Variants in CFLAR observed in about 807,000 individuals in gnomAD.
CFLAR encodes CASP8 and FADD-like apoptosis regulator.
In CFLAR, 14 loss-of-function variants were observed where a neutral mutation model predicts 51.1. That is an observed-to-expected ratio of 0.27 (90% confidence interval 0.18 to 0.43). The LOEUF (loss-of-function observed/expected upper bound fraction) is 0.43. Ranked by LOEUF, CFLAR falls within the 20% of genes least tolerant of loss-of-function variation. The pLI is 1.00. For synonymous variants in CFLAR, 210 were observed against 211.6 expected (o/e 0.99, Z 0.06); for missense variants, 390 against 566.5 (o/e 0.69, Z 3.16).
chr2:201,169,936 T>C lies in CFLAR; in HGVS notation c.*5963T>C, dbSNP rs189130552. 1 of 152,246 alleles carries C rather than the reference T, an allele frequency of 6.6e-6. No homozygotes were observed. Among genetic ancestry groups the C allele is most frequent in the East Asian group, 1.9e-4 (1 of 5,186 alleles). The allele number at this position is 152,246 out of a possible 1,614,324, so 9.4% of individuals were successfully genotyped here. On this transcript the variant is annotated 3_prime_UTR_variant, in exon 10 of 10. Coordinates refer to ENST00000309955, the MANE Select transcript of CFLAR (RefSeq NM_003879.7). Reference sequence around the variant, plus strand: ...CTCATGCCGGTCAGAATGGTGATTATTAAAAAGTCAAAAAACAACAGATGC... The same window carrying C: ...CTCATGCCGGTCAGAATGGTGATTACTAAAAAGTCAAAAAACAACAGATGC...
intron 5 of CFLAR, chr2:201,141,342 A>G: frequency 6.5e-7 from 1 of 1,548,358 alleles, no homozygotes; most frequent in East Asian, 2.4e-5. Flanking sequence ...GTCTACACAT[A>G]TATTTCATTT....
At chr2:201,141,712 A>T in intron 5 of CFLAR, 1 of 957,834 alleles carries the variant, frequency 1.0e-6, no homozygotes, top group Non-Finnish European at 1.3e-6. Context: ...AGTGTATCAT[A>T]TAGTCACTTA....
rs767981715 is a variant in CFLAR, at chr2:201,163,987, T to C, written c.*14T>C. ...TCCTACACATAAGAAACCAAAAGGC[T>C]GGGCGTAGTGGCTCACACCTGTAAT... On this transcript the variant is annotated 3_prime_UTR_variant, in exon 10 of 10. Coordinates refer to ENST00000309955, the MANE Select transcript of CFLAR (RefSeq NM_003879.7). 6.2e-7 allele frequency: 1 copy of C among 1,607,382 alleles called. No homozygotes were observed.
intron 5 of CFLAR, chr2:201,141,751 A>T: frequency 1.6e-5 from 10 of 630,802 alleles, no homozygotes; most frequent in Middle Eastern, 7.3e-4. Flanking sequence ...TACTTAGTAC[A>T]AGGTATCGGA....
Position 201,138,088 on chromosome 2 carries a change from C to T in CFLAR, c.523+1981C>T, listed in dbSNP as rs530109061. 3.8e-5 allele frequency: 28 copies of T among 742,566 alleles called. No individual in the cohort carries two copies. In the East Asian group the frequency reaches 6.7e-4, roughly 18 times the overall value. 46.0% of individuals were successfully genotyped at this position (742,566 alleles called of 1,614,324 possible). On this transcript the variant is annotated intron_variant, in intron 4 of 9. Coordinates refer to ENST00000309955, the MANE Select transcript of CFLAR (RefSeq NM_003879.7). The surrounding 1 kb of genome is among the most constrained non-coding windows in gnomAD (Gnocchi z 4.0). ...TTGATGTAGATGGAGCCGCGCAGTC[C>T]ATGCCCCTGCCCAGCCCATCCACAC... is the stretch of plus-strand genomic sequence containing the variant.
intron 9 of CFLAR, among the ~76,000 whole-genome samples, chr2:201,162,143 G>T (rs991138423): frequency 4.6e-5 from 7 of 151,994 alleles, no homozygotes; most frequent in Admixed American, 4.6e-4. Context: ...TCACTCTGTT[G>T]TCCAGGCTGG....
At chr2:201,144,775 T>G (rs1939757236) in intron 5 of CFLAR, among the ~76,000 whole-genome samples, 1 of 152,204 alleles carries the variant, frequency 6.6e-6, no homozygotes, top group Non-Finnish European at 1.5e-5. Context: ...AACTATACTA[T>G]ACTGTAACAT....
chr2:201,153,903 C>CTTTTTTTTTTTTTTTTTTT (rs747813572), intron 8 of CFLAR, among the ~76,000 whole-genome samples: 3 of 103,024 alleles, frequency 2.9e-5, no homozygotes, highest in Non-Finnish European at 5.8e-5. Flanking sequence ...TCTTTTCTTT[C>CTTTTTTTTTTTTTTTTTTT]TTTTTTTTTT....
rs112841322 is a variant in CFLAR, at chr2:201,164,434, T to C, written c.*461T>C. 1,263 of 152,484 alleles carry C rather than the reference T, an allele frequency of 8.3e-3. 20 individuals carry two copies. Among genetic ancestry groups the C allele is most frequent in the African/African-American group, 0.029 (1,186 of 41,554 alleles). 9.4% of individuals were successfully genotyped at this position (152,484 alleles called of 1,614,324 possible). On this transcript the variant is annotated 3_prime_UTR_variant, in exon 10 of 10. Transcript: ENST00000309955. ...CAGGGTTAGGTCCCACAATAGGTCATCTGCAAGCAAGGAAGCCAATTCAAG... is the reference window on the plus strand; with the variant it reads ...CAGGGTTAGGTCCCACAATAGGTCACCTGCAAGCAAGGAAGCCAATTCAAG...
Position 201,164,300 on chromosome 2 carries a change from G to A in CFLAR, c.*327G>A, listed in dbSNP as rs1269654668. ...CTTTAAAAAAAAAAAAAAAGGACAG[G>A]AACTATCTTACTCAATGTATTAGTC... On this transcript the variant is annotated 3_prime_UTR_variant, in exon 10 of 10. Coordinates refer to ENST00000309955, the MANE Select transcript of CFLAR (RefSeq NM_003879.7). 3 of 185,876 alleles carry A rather than the reference G, an allele frequency of 1.6e-5. No homozygotes were observed. Among genetic ancestry groups the A allele is most frequent in the Non-Finnish European group, 3.4e-5 (3 of 87,768 alleles). The allele number at this position is 185,876 out of a possible 1,614,324, so 11.5% of individuals were successfully genotyped here.
rs1407985294 is a variant in CFLAR at position 201,172,103 on chromosome 2, A to G, written c.*8130A>G. 6.6e-6 allele frequency: 1 copy of G among 152,174 alleles called. No homozygotes were observed. Among genetic ancestry groups the G allele is most frequent in the African/African-American group, 2.4e-5 (1 of 41,444 alleles). The allele number at this position is 152,174 out of a possible 1,614,324, so 9.4% of individuals were successfully genotyped here. On this transcript the variant is annotated 3_prime_UTR_variant, in exon 10 of 10. Transcript: ENST00000309955. ...TTATATCTCATGCTGTAATTCTTGG[A>G]AAGTATGCTGTAGCTCAAGTGCAGA...
At position 201,145,229 on chromosome 2, in the gene CFLAR, G is replaced by T. The variant is rs116154003; in HGVS notation, c.607-149G>T. The T allele has an allele frequency of 8.8e-3, 4,664 of 530,350 alleles. 193 individuals carry two copies. Among genetic ancestry groups the T allele is most frequent in the African/African-American group, 0.082 (4,210 of 51,386 alleles). 32.9% of individuals were successfully genotyped at this position (530,350 alleles called of 1,614,324 possible). A position where few individuals can be genotyped will look rare whatever the true frequency, so the allele number is the denominator to read the frequency against. On this transcript the variant is annotated intron_variant, in intron 5 of 9. Coordinates refer to ENST00000309955, the MANE Select transcript of CFLAR (RefSeq NM_003879.7). ...GGGATTTATGGAGTTAACAGCTCTT[G>T]CTATTCTTTAGATAATTTAACTGTT...
intron 3 of CFLAR, among the ~76,000 whole-genome samples, chr2:201,134,389 C>G (rs559759317): frequency 1.3e-5 from 2 of 151,926 alleles, no homozygotes; most frequent in Non-Finnish European, 2.9e-5. Context: ...AATCCCAGCA[C>G]TTTGGGAGGC....
In CFLAR at chr2:201,172,737, A is replaced by G. The variant is rs1261492467; in HGVS notation, c.*8764A>G. The G allele has an allele frequency of 6.6e-6, 1 of 152,242 alleles. No individual in the cohort carries two copies. 9.4% of individuals were successfully genotyped at this position (152,242 alleles called of 1,614,324 possible). ...CTATAGAGTGTACCAGTGCTTCATT[A>G]CATTTTATGGCTGAATAATACCCTA... On this transcript the variant is annotated 3_prime_UTR_variant, in exon 10 of 10. Transcript: ENST00000309955.
rs1261418600 is a variant in CFLAR, at chr2:201,175,739, G to C, written c.*11766G>C. The C allele has an allele frequency of 6.6e-6, 1 of 152,184 alleles. No individual in the cohort carries two copies. The highest frequency in any genetic ancestry group is 2.4e-5 in the African/African-American group (1 of 41,432). 9.4% of individuals were successfully genotyped at this position (152,184 alleles called of 1,614,324 possible). On this transcript the variant is annotated 3_prime_UTR_variant, in exon 10 of 10. Transcript: ENST00000309955. ...AACCTCAATTCTTTCCTCCTCAGAA[G>C]AAAGAATTTGACTGAGGGGCATAAG...
chr2:201,137,943 A>G, intron 4 of CFLAR: 1 of 759,360 alleles, frequency 1.3e-6, no homozygotes, highest in East Asian at 2.5e-5. Context: ...GGCCTTGACC[A>G]CATGCCCCAT....
chr2:201,137,016 G>T lies in CFLAR; in HGVS notation c.523+909G>T, dbSNP rs529201332. 2.2e-4 allele frequency: 40 copies of T among 178,308 alleles called. No homozygotes were observed. In the South Asian group the frequency reaches 4.2e-3, roughly 19 times the overall value. The allele number at this position is 178,308 out of a possible 1,614,324, so 11.0% of individuals were successfully genotyped here. ...AGTGGCCTAAGGAGCAGGACCTAAGGGTAGCCCAGAGCTGGGGAAGGGGGC... is the reference window on the plus strand; with the variant it reads ...AGTGGCCTAAGGAGCAGGACCTAAGTGTAGCCCAGAGCTGGGGAAGGGGGC... On this transcript the variant is annotated intron_variant, in intron 4 of 9. Transcript: ENST00000309955.
intron 9 of CFLAR, chr2:201,162,445 T>C (rs1366500195): frequency 6.6e-6 from 1 of 152,362 alleles, no homozygotes; most frequent in African/African-American, 2.4e-5. Flanking sequence ...TTTTTTTAAT[T>C]AAAAAAATTT....
rs1007272140 is a variant in CFLAR, at chr2:201,118,222, C to A, written c.-138+1741C>A. Among the ~76,000 whole-genome samples the A allele has an allele frequency of 6.6e-6, 1 of 152,222 alleles. No homozygotes were observed. Among genetic ancestry groups the A allele is most frequent in the Non-Finnish European group, 1.5e-5 (1 of 68,042 alleles). ...TCTAGCGACTTTATGTTTTACGTTTCTGTTTGTAACTGACATTTGACCTTC... is the reference window on the plus strand; with the variant it reads ...TCTAGCGACTTTATGTTTTACGTTTATGTTTGTAACTGACATTTGACCTTC... On this transcript the variant is annotated intron_variant, in intron 1 of 9. Transcript: ENST00000309955. This position sits in a 1 kb window ranked among gnomAD's most constrained non-coding sequence, Gnocchi z 5.1.
Sources: allele counts gnomAD v4.1 joint callset (sites outside exome capture counted in the v4.1 genomes callset), GRCh38; gene constraint gnomAD v4.1.1; non-coding constraint Gnocchi (gnomAD v3.1); transcripts MANE v1.5; gene names NCBI Gene and HGNC (gene_info 2026-07-23, HGNC 2026-07-21).